The following CSMD1 variants were observed in gnomAD, a reference collection of about 807,000 sequenced individuals.
CSMD1 encodes the protein CUB and Sushi multiple domains 1.
Under a neutral mutation model 417.5 loss-of-function variants are expected in CSMD1, and 213 were observed. The observed-to-expected ratio is 0.51, with a 90% CI of 0.46 to 0.57. The LOEUF (loss-of-function observed/expected upper bound fraction) is 0.57. Among genes scored for constraint, CSMD1 ranks in the 20% least tolerant of loss-of-function variants. The pLI is 0.00. For synonymous variants in CSMD1, 2,862 were observed against 1,736.8 expected (o/e 1.65, Z -16.11); for missense variants, 6,923 against 4,529.7 (o/e 1.53, Z -15.17).
At chr8:4,261,277 C>G (rs1302729104) in intron 3 of CSMD1, among the ~76,000 whole-genome samples, 2 of 152,080 alleles carry the variant, frequency 1.3e-5, no homozygotes, top group Non-Finnish European at 2.9e-5. Context: ...CTTCTCTTTC[C>G]TTTTTGTTTC....
At chr8:3,302,568 C>T (rs1407991020) in intron 25 of CSMD1, among the ~76,000 whole-genome samples, 3 of 152,210 alleles carry the variant, frequency 2.0e-5, no homozygotes, top group Non-Finnish European at 1.5e-5. Context: ...TTTTTTAAGA[C>T]ATCAAGTGCA....
chr8:4,755,259 T>C (rs575240859), intron 1 of CSMD1, among the ~76,000 whole-genome samples: 115 of 152,350 alleles, frequency 7.5e-4, no homozygotes, highest in African/African-American at 2.5e-3. Context: ...TGTAGGACAA[T>C]ATTTATGACT....
chr8:3,210,699 A>C (rs1456055957), intron 30 of CSMD1, among the ~76,000 whole-genome samples: 2 of 149,378 alleles, frequency 1.3e-5, no homozygotes, highest in Admixed American at 6.7e-5. Flanking sequence ...TATATACACT[A>C]TATATATATA....
At chr8:4,583,991 G>C (rs369306549) in intron 2 of CSMD1, among the ~76,000 whole-genome samples, 2 of 151,720 alleles carry the variant, frequency 1.3e-5, no homozygotes, top group African/African-American at 4.8e-5. Flanking sequence ...CAAGCCCACC[G>C]GGAGGGGAGG....
intron 1 of CSMD1, among the ~76,000 whole-genome samples, chr8:4,823,137 G>C (rs760058367): frequency 6.6e-6 from 1 of 152,060 alleles, no homozygotes; most frequent in Non-Finnish European, 1.5e-5. Flanking sequence ...GCTACTGGAT[G>C]CTTTATGCAG....
At chr8:3,178,984 G>A (rs890611582) in intron 37 of CSMD1, among the ~76,000 whole-genome samples, 1 of 137,288 alleles carries the variant, frequency 7.3e-6, no homozygotes, top group Non-Finnish European at 1.5e-5. Flanking sequence ...GTCTCACTCT[G>A]TCACCCAGGC....
At chr8:4,070,349 C>G (rs779291779) in intron 3 of CSMD1, among the ~76,000 whole-genome samples, 34 of 152,064 alleles carry the variant, frequency 2.2e-4, no homozygotes, top group African/African-American at 4.6e-4. Flanking sequence ...TTATATTAAC[C>G]AAAATATTTA....
chr8:4,196,999 C>G (rs757455458), intron 3 of CSMD1, among the ~76,000 whole-genome samples: 1 of 152,156 alleles, frequency 6.6e-6, no homozygotes, highest in Non-Finnish European at 1.5e-5. Context: ...CTATTCTACG[C>G]TTTCTATTTT....
chr8:3,116,916 T>A (rs1816908381), intron 42 of CSMD1, among the ~76,000 whole-genome samples: 1 of 152,088 alleles, frequency 6.6e-6, no homozygotes, highest in Admixed American at 6.6e-5. Flanking sequence ...ATTTAAAAAA[T>A]GTTTTAATGA....
chr8:4,155,255 G>C (rs772679224), intron 3 of CSMD1, among the ~76,000 whole-genome samples: 8 of 152,230 alleles, frequency 5.3e-5, no homozygotes, highest in Non-Finnish European at 7.3e-5. Context: ...GGGCAGCAGA[G>C]AGGTGAATAA....
At chr8:3,773,166 C>A (rs1798709351) in intron 5 of CSMD1, among the ~76,000 whole-genome samples, 1 of 152,196 alleles carries the variant, frequency 6.6e-6, no homozygotes, top group African/African-American at 2.4e-5. Flanking sequence ...AGGATTTCAA[C>A]ATGAACTCTA....
At chr8:4,266,287 G>C (rs1220186071) in intron 3 of CSMD1, among the ~76,000 whole-genome samples, 1 of 104,376 alleles carries the variant, frequency 9.6e-6, no homozygotes. Flanking sequence ...ATAAATTTTT[G>C]TTTTCTATGT....
At chr8:3,917,472 C>A (rs1319214091) in intron 5 of CSMD1, among the ~76,000 whole-genome samples, 1 of 152,128 alleles carries the variant, frequency 6.6e-6, no homozygotes, top group Non-Finnish European at 1.5e-5. Flanking sequence ...TTTCCTGCTA[C>A]TATGGCTGAA....
intron 68 of CSMD1, among the ~76,000 whole-genome samples, chr8:2,943,133 C>T (rs918228266): frequency 6.6e-6 from 1 of 152,020 alleles, no homozygotes; most frequent in Non-Finnish European, 1.5e-5. Flanking sequence ...TTTAGAAATA[C>T]TCAAAAATAA....
rs574609404 is a variant in CSMD1, at chr8:3,949,250, A to C, written c.818+48653T>G. 2.0e-5 allele frequency among the ~76,000 whole-genome samples: 3 copies of C among 152,304 alleles called. No homozygotes were observed. In the South Asian group the frequency reaches 6.2e-4, roughly 32 times the overall value. On this transcript the variant is annotated intron_variant, in intron 5 of 69. Coordinates refer to ENST00000635120, the MANE Select transcript of CSMD1 (RefSeq NM_033225.6). ...GTTAGCAATTTTGAAAAAATACAAT[A>C]TAATGTTATCAACTACAGCTATCAT...
chr8:3,257,157 G>A (rs778593478), intron 26 of CSMD1, among the ~76,000 whole-genome samples: 27 of 152,112 alleles, frequency 1.8e-4, no homozygotes, highest in South Asian at 1.2e-3. Context: ...CCCCATCTCC[G>A]CTAAAAACAC....
At chr8:4,381,260 A>T (rs1803083094) in intron 3 of CSMD1, among the ~76,000 whole-genome samples, 1 of 152,302 alleles carries the variant, frequency 6.6e-6, no homozygotes, top group East Asian at 1.9e-4. Flanking sequence ...AGTGAGGAAT[A>T]AAGGCGTCAA....
At chr8:4,380,637 A>C (rs1307699651) in intron 3 of CSMD1, among the ~76,000 whole-genome samples, 1 of 152,156 alleles carries the variant, frequency 6.6e-6, no homozygotes, top group Non-Finnish European at 1.5e-5. Context: ...GTAGTCATTA[A>C]AGTGTCAATA....
chr8:3,502,059 T>A (rs1026981342), intron 10 of CSMD1, among the ~76,000 whole-genome samples: 1 of 152,116 alleles, frequency 6.6e-6, no homozygotes, highest in Non-Finnish European at 1.5e-5. Flanking sequence ...AATGAAATAA[T>A]CATATATCTT....
Sources: allele counts gnomAD v4.1 joint callset (sites outside exome capture counted in the v4.1 genomes callset), GRCh38; gene constraint gnomAD v4.1.1; transcripts MANE v1.5; gene names NCBI Gene and HGNC (gene_info 2026-07-23, HGNC 2026-07-21).